The following DEFB121 variants were observed in gnomAD, a reference collection of about 807,000 sequenced individuals.
DEFB121 encodes the protein defensin beta 121, also known as beta-defensin 121.
Under a neutral mutation model 2.5 loss-of-function variants are expected in DEFB121, and 5 were observed. That is an observed-to-expected ratio of 1.96 (90% CI 1.03 to 4.13). The LOEUF is 4.13. DEFB121 is among the 30% of genes most tolerant of loss of function. The pLI, the probability that DEFB121 is intolerant of heterozygous loss-of-function variation, is 0.00. For missense variants in DEFB121, 87 were observed against 85.0 expected (o/e 1.02, Z -0.09); for synonymous variants, 39 against 32.6 (o/e 1.20, Z -0.67).
At chr20:31,415,370 C>T (rs1436171513), upstream of DEFB121, among the ~76,000 whole-genome samples, 2 of 151,972 alleles carry the variant, frequency 1.3e-5, no homozygotes, top group Non-Finnish European at 1.5e-5. Context: ...ATGCCTCAGC[C>T]TCCCAAGTAG....
chr20:31,405,937 C>A (rs1345699799), intron 1 of DEFB121, among the ~76,000 whole-genome samples, 158 bp downstream of exon 1: 1 of 152,118 alleles, frequency 6.6e-6, no homozygotes. Flanking sequence ...CATTTGGTAC[C>A]AGAGAACTCA....
upstream of DEFB121, among the ~76,000 whole-genome samples, chr20:31,414,659 A>G (rs1978754428): frequency 6.6e-6 from 1 of 152,230 alleles, no homozygotes; most frequent in African/African-American, 2.4e-5. Context: ...TCAAACTTAT[A>G]TCAACAAAGA....
At chr20:31,411,524 T>C (rs961291295) in intron 1 of DEFB121, among the ~76,000 whole-genome samples, 4 of 150,462 alleles carry the variant, frequency 2.7e-5, no homozygotes, top group Admixed American at 2.6e-4. Context: ...TGAATGCCTT[T>C]CAGTGAAAAA....
chr20:31,416,707 G>T (rs1415851870), upstream of DEFB121, among the ~76,000 whole-genome samples: 1 of 152,178 alleles, frequency 6.6e-6, no homozygotes. Context: ...TATCAATTAA[G>T]CCAGAATTTA....
chr20:31,408,828 C>T (rs1978570506), upstream of DEFB121, among the ~76,000 whole-genome samples: 1 of 152,170 alleles, frequency 6.6e-6, no homozygotes, highest in Non-Finnish European at 1.5e-5. Flanking sequence ...GAATTCGAGA[C>T]CAGCCTGGCC....
intron 1 of DEFB121, 89 bp from the exon 2 acceptor site, chr20:31,405,174 G>C: frequency 1.5e-6 from 2 of 1,329,500 alleles, no homozygotes; most frequent in Admixed American, 2.5e-5. Context: ...CAGTAGAGGA[G>C]TAGGAGGGAA....
At chr20:31,407,759 G>A (rs552777492), upstream of DEFB121, among the ~76,000 whole-genome samples, 4 of 152,252 alleles carry the variant, frequency 2.6e-5, no homozygotes, top group Middle Eastern at 3.4e-3. Flanking sequence ...GACAATAATG[G>A]TAAGGTCTAT....
upstream of DEFB121, among the ~76,000 whole-genome samples, chr20:31,416,458 A>C (rs1418706158): frequency 6.6e-6 from 1 of 152,222 alleles, no homozygotes; most frequent in African/African-American, 2.4e-5. Flanking sequence ...GCTCCTTTAA[A>C]AATAATATTT....
intron 1 of DEFB121, among the ~76,000 whole-genome samples, chr20:31,405,298 T>G: frequency 6.9e-6 from 1 of 145,724 alleles, no homozygotes; most frequent in Admixed American, 6.9e-5. Flanking sequence ...ACCCCCAGAG[T>G]CCCCCCAACT....
At chr20:31,410,649 A>G (rs903344161), upstream of DEFB121, among the ~76,000 whole-genome samples, 1 of 152,198 alleles carries the variant, frequency 6.6e-6, no homozygotes, top group Admixed American at 6.5e-5. Flanking sequence ...TCTAAAGATC[A>G]TTAGTAAGGT....
upstream of DEFB121, among the ~76,000 whole-genome samples, chr20:31,407,010 G>T (rs1316397885): frequency 6.6e-6 from 1 of 152,114 alleles, no homozygotes; most frequent in Non-Finnish European, 1.5e-5. Context: ...CAACTTGGGA[G>T]GCCGAGGCAG....
At chr20:31,416,056 T>TTGTTTGTG (rs369768263), upstream of DEFB121, among the ~76,000 whole-genome samples, 3 of 150,748 alleles carry the variant, frequency 2.0e-5, no homozygotes, top group Non-Finnish European at 4.4e-5. Context: ...TCCCACTTTT[T>TTGTTTGTG]TGTTTGTTTG....
chr20:31,405,416 C>T (rs1978446109), intron 1 of DEFB121, among the ~76,000 whole-genome samples: 1 of 152,138 alleles, frequency 6.6e-6, no homozygotes, highest in Non-Finnish European at 1.5e-5. Context: ...TATAATGTAC[C>T]CAGGTGCCCA....
intron 1 of DEFB121, among the ~76,000 whole-genome samples, chr20:31,405,860 C>T (rs939632255): frequency 3.3e-5 from 5 of 152,226 alleles, no homozygotes; most frequent in East Asian, 3.8e-4. Context: ...CAGGTCATCA[C>T]GTTCAGCTTT....
upstream of DEFB121, among the ~76,000 whole-genome samples, chr20:31,406,694 A>G (rs1182175330): frequency 1.3e-5 from 2 of 152,244 alleles, no homozygotes; most frequent in African/African-American, 4.8e-5. Context: ...TGGAATGAGC[A>G]GGAAAGCCAT....
chr20:31,418,278 A>AAAAAG, the DEFB121 span, among the ~76,000 whole-genome samples: 6 of 137,860 alleles, frequency 4.4e-5, no homozygotes, highest in African/African-American at 1.7e-4. Context: ...AAAAAAAAAA[A>AAAAAG]AAAAGAAAAA....
upstream of DEFB121, among the ~76,000 whole-genome samples, chr20:31,415,263 T>C (rs1330290972): frequency 6.7e-6 from 1 of 150,028 alleles, no homozygotes; most frequent in Non-Finnish European, 1.5e-5. Flanking sequence ...TTTTTTTTTC[T>C]GTTGGAGACA....
chr20:31,408,560 C>A (rs1978560500), upstream of DEFB121, among the ~76,000 whole-genome samples: 1 of 152,160 alleles, frequency 6.6e-6, no homozygotes, highest in Non-Finnish European at 1.5e-5. Flanking sequence ...GATTTGCCAG[C>A]CACAACTATC....
upstream of DEFB121, among the ~76,000 whole-genome samples, chr20:31,408,130 A>G (rs1978545309): frequency 6.6e-6 from 1 of 152,162 alleles, no homozygotes; most frequent in Non-Finnish European, 1.5e-5. Context: ...AATAAGAGGA[A>G]TATCTTCTTT....
Sources: gnomAD v4.1 joint callset for allele counts (sites outside exome capture counted in the v4.1 genomes callset) on GRCh38, gnomAD v4.1.1 for gene constraint, MANE v1.5 for transcripts, NCBI Gene and HGNC (gene_info 2026-07-23, HGNC 2026-07-21) for gene names.